Variants in OSBPL6 observed in about 807,000 individuals in gnomAD.
The protein encoded by OSBPL6 is oxysterol-binding protein-related protein 6.
In OSBPL6, 49 loss-of-function variants were observed where a neutral mutation model predicts 125.8. The ratio of observed to expected loss-of-function variants is 0.39; its 90% CI spans 0.31 to 0.49. The LOEUF is 0.49. Among genes scored for constraint, OSBPL6 ranks in the 20% least tolerant of loss-of-function variants. OSBPL6 has a pLI of 0.88. For missense variants in OSBPL6, 986 were observed against 1,135.4 expected, an observed-to-expected ratio of 0.87 and a Z score of 1.89; for synonymous variants, 394 against 391.8, an observed-to-expected ratio of 1.01 and a Z score of -0.07.
At chr2:178,390,330 G>T (rs930741156) in intron 21 of OSBPL6, among the ~76,000 whole-genome samples, 1 of 152,156 alleles carries the variant, frequency 6.6e-6, no homozygotes, top group East Asian at 1.9e-4. Flanking sequence ...TCCCACCTCT[G>T]GCTCTGTTTT....
At chr2:178,394,218 T>C in intron 23 of OSBPL6, 95 bp from the exon 24 acceptor site, 1 of 1,483,878 alleles carries the variant, frequency 6.7e-7, no homozygotes, top group South Asian at 1.2e-5. Context: ...GTATTTTATG[T>C]TCATAGCAAT....
At chr2:178,378,992 C>A (rs1243804934) in intron 15 of OSBPL6, among the ~76,000 whole-genome samples, 2 of 151,836 alleles carry the variant, frequency 1.3e-5, no homozygotes, top group Non-Finnish European at 2.9e-5. Context: ...CAGGGAGCCC[C>A]CACCTCTACA....
At chr2:178,253,641 A>T (rs774927594) in intron 1 of OSBPL6, among the ~76,000 whole-genome samples, 1 of 152,070 alleles carries the variant, frequency 6.6e-6, no homozygotes, top group East Asian at 1.9e-4. Flanking sequence ...TATATTCTTA[A>T]TGAATAAACT....
chr2:178,206,138 G>A (rs1574477927), intron 1 of OSBPL6, among the ~76,000 whole-genome samples: 1 of 152,106 alleles, frequency 6.6e-6, no homozygotes, highest in African/African-American at 2.4e-5. Flanking sequence ...TGGCTGTTTT[G>A]AGAAAGCTGG....
chr2:178,388,890 C>A, intron 20 of OSBPL6, 119 bp from the exon 21 acceptor site: 2 of 1,058,360 alleles, frequency 1.9e-6, no homozygotes, highest in Non-Finnish European at 2.7e-6. Flanking sequence ...TTTCAAGACA[C>A]AAATGGGAGG....
intron 1 of OSBPL6, among the ~76,000 whole-genome samples, chr2:178,222,511 C>T (rs6747743): frequency 0.32 from 48,970 of 151,960 alleles, 8,145 homozygotes; most frequent in African/African-American, 0.38. Context: ...GGTGAGGTGG[C>T]GCATGCCTGT....
At chr2:178,262,274 A>C (rs2092089045) in intron 1 of OSBPL6, among the ~76,000 whole-genome samples, 1 of 152,246 alleles carries the variant, frequency 6.6e-6, no homozygotes, top group Non-Finnish European at 1.5e-5. Flanking sequence ...AAACTATGTC[A>C]GTTTTCAAAT....
At chr2:178,200,229 G>A (rs1216095872) in intron 1 of OSBPL6, among the ~76,000 whole-genome samples, 1 of 150,212 alleles carries the variant, frequency 6.7e-6, no homozygotes, top group African/African-American at 2.5e-5. Flanking sequence ...AAGCAAGCAA[G>A]GTTCTGTTTC....
At chr2:178,389,885 T>C (rs1280287305) in intron 21 of OSBPL6, among the ~76,000 whole-genome samples, 1 of 152,208 alleles carries the variant, frequency 6.6e-6, no homozygotes. Flanking sequence ...AAGACTCTAA[T>C]ATTTTCTTTT....
At chr2:178,261,409 CAAGG>C (rs953938129) in intron 1 of OSBPL6, among the ~76,000 whole-genome samples, 1 of 134,348 alleles carries the variant, frequency 7.4e-6, no homozygotes, top group African/African-American at 2.7e-5. Context: ...AAAAAAAAAA[CAAGG>C]AAGAAAAACG....
intron 1 of OSBPL6, among the ~76,000 whole-genome samples, chr2:178,281,144 T>C (rs915141332): frequency 6.6e-5 from 10 of 151,996 alleles, no homozygotes; most frequent in Non-Finnish European, 1.3e-4. Flanking sequence ...CCCGAATAGC[T>C]GGGATTACAG....
At chr2:178,244,992 T>A (rs549748432) in intron 1 of OSBPL6, among the ~76,000 whole-genome samples, 3 of 152,250 alleles carry the variant, frequency 2.0e-5, no homozygotes, top group African/African-American at 4.8e-5. Flanking sequence ...CATATTAAAA[T>A]GTACTTTTCC....
intron 2 of OSBPL6, among the ~76,000 whole-genome samples, chr2:178,288,326 A>G (rs1239243917): frequency 6.6e-6 from 1 of 152,102 alleles, no homozygotes; most frequent in African/African-American, 2.4e-5. Flanking sequence ...AGACCCCAAA[A>G]CTTCGTTCTT....
intron 2 of OSBPL6, among the ~76,000 whole-genome samples, chr2:178,296,125 T>A (rs984672021): frequency 6.6e-6 from 1 of 152,198 alleles, no homozygotes; most frequent in African/African-American, 2.4e-5. Context: ...TGCTGCCTGC[T>A]GGCAGGCTTA....
intron 1 of OSBPL6, among the ~76,000 whole-genome samples, chr2:178,228,336 C>G (rs530521122): frequency 3.3e-5 from 5 of 152,246 alleles, no homozygotes; most frequent in South Asian, 2.1e-4. Flanking sequence ...GAGATCGAGA[C>G]CATCCTGGCT....
chr2:178,389,061 C>T lies in OSBPL6; in HGVS notation c.2209C>T (p.Leu737Phe). The T allele has an allele frequency of 6.2e-7, 1 of 1,613,812 alleles. No individual in the cohort carries two copies. The highest frequency in any genetic ancestry group is 8.5e-7 in the Non-Finnish European group (1 of 1,179,808). ...AGTCACCACTTGCATACACAACATC[C>T]TCAGTGGGAGAAGATGGATAGAACA... ...NKVTTCIHNI[L>F]SGRRWIEHYG... Residue 737 changes from leucine (L) to phenylalanine (F), a missense_variant, in exon 21 of 25, where the codon CTC (leucine) becomes TTC (phenylalanine). Coordinates refer to ENST00000190611, the MANE Select transcript of OSBPL6 (RefSeq NM_032523.4).
chr2:178,264,405 C>G (rs2092162678), intron 1 of OSBPL6, among the ~76,000 whole-genome samples: 2 of 152,120 alleles, frequency 1.3e-5, no homozygotes, highest in Non-Finnish European at 2.9e-5. Flanking sequence ...CTGGTGAGTT[C>G]CCTAATGAGG....
At chr2:178,285,175 G>A (rs781245443) in intron 2 of OSBPL6, 54 bp downstream of exon 2, 3 of 397,324 alleles carry the variant, frequency 7.6e-6, no homozygotes, top group East Asian at 7.1e-5. Context: ...GTTAGGCAGC[G>A]CTTAATAATA....
At chr2:178,344,485 C>A in intron 11 of OSBPL6, 1 of 851,416 alleles carries the variant, frequency 1.2e-6, no homozygotes, top group Non-Finnish European at 1.9e-6. Context: ...ATCATGGCAG[C>A]ATAGCTTTCA....
Sources: gnomAD v4.1 joint callset for allele counts (sites outside exome capture counted in the v4.1 genomes callset) on GRCh38, gnomAD v4.1.1 for gene constraint, MANE v1.5 for transcripts, NCBI Gene and HGNC (gene_info 2026-07-23, HGNC 2026-07-21) for gene names.